Variants in LSM2 observed in about 807,000 individuals in gnomAD.
LSM2 encodes U6 snRNA-associated Sm-like protein LSm2.
Under a neutral mutation model 17.0 loss-of-function variants are expected in LSM2, and 12 were observed. That is an observed-to-expected ratio of 0.70 (90% CI 0.45 to 1.14). LSM2 has a LOEUF of 1.14. LSM2 is among the 50% of genes most tolerant of loss of function. The probability of loss-of-function intolerance (pLI) is 0.00; values close to 1 mark genes in which losing one functional copy is unlikely to be tolerated. For missense variants in LSM2, 62 were observed against 111.8 expected, an observed-to-expected ratio of 0.55 and a Z score of 2.01; for synonymous variants, 42 against 44.5, an observed-to-expected ratio of 0.94 and a Z score of 0.22.
Position 31,797,689 on chromosome 6 carries a change from G to A in LSM2, c.*68C>T. 1 of 1,606,690 alleles carries A rather than the reference G, an allele frequency of 6.2e-7. No individual in the cohort carries two copies. Among genetic ancestry groups the A allele is most frequent in the Non-Finnish European group, 8.5e-7 (1 of 1,176,870 alleles). The stretch of plus-strand genomic sequence containing the variant: ...ACCCCTTCAAGTATTGGGGGTTAGG[G>A]GTTCTGGGCTGGGACTTGGGGTTAT... On this transcript the variant is annotated 3_prime_UTR_variant, in exon 5 of 5. Coordinates refer to ENST00000375661, the MANE Select transcript of LSM2 (RefSeq NM_021177.5).
chr6:31,806,810 G>C lies in LSM2; in HGVS notation c.-53C>G, dbSNP rs748286832. 1 of 1,594,028 alleles carries C rather than the reference G, an allele frequency of 6.3e-7. No homozygotes were observed. Among genetic ancestry groups the C allele is most frequent in the African/African-American group, 1.3e-5 (1 of 74,322 alleles). On this transcript the variant is annotated 5_prime_UTR_variant, in exon 1 of 5. Transcript: ENST00000375661. ...GACCGGGAAGACAGCAGGGTGCTGC[G>C]AGCAGGTCTGGGGAAACCGAAGCGC...
chr6:31,800,308 C>T (rs1814621007), intron 2 of LSM2, among the ~76,000 whole-genome samples: 1 of 151,984 alleles, frequency 6.6e-6, no homozygotes, highest in African/African-American at 2.4e-5. Flanking sequence ...TGCACTCCAG[C>T]CTGGGTGACA....
chr6:31,801,980 T>A (rs1204650446), intron 2 of LSM2, among the ~76,000 whole-genome samples: 4 of 150,950 alleles, frequency 2.6e-5, no homozygotes, highest in Non-Finnish European at 5.9e-5. Flanking sequence ...CTATGAAAAA[T>A]TTTAAAAATA....
Position 31,797,688 on chromosome 6 carries a change from G to C in LSM2, c.*69C>G. 1 of 1,606,362 alleles carries C rather than the reference G, an allele frequency of 6.2e-7. No homozygotes were observed. The highest frequency in any genetic ancestry group is 8.5e-7 in the Non-Finnish European group (1 of 1,176,816). On this transcript the variant is annotated 3_prime_UTR_variant, in exon 5 of 5. Coordinates refer to ENST00000375661, the MANE Select transcript of LSM2 (RefSeq NM_021177.5). The stretch of plus-strand genomic sequence containing the variant: ...AACCCCTTCAAGTATTGGGGGTTAG[G>C]GGTTCTGGGCTGGGACTTGGGGTTA...
intron 2 of LSM2, among the ~76,000 whole-genome samples, chr6:31,800,352 T>A (rs1188382127): frequency 6.6e-6 from 1 of 151,466 alleles, no homozygotes; most frequent in African/African-American, 2.4e-5. Context: ...AATAAATAAA[T>A]AAAAATAATC....
intron 1 of LSM2, chr6:31,806,467 G>T: frequency 1.7e-6 from 1 of 604,790 alleles, no homozygotes; most frequent in Non-Finnish European, 2.9e-6. Context: ...TATCCCACCC[G>T]CACCCTGCCG....
intron 2 of LSM2, 75 bp downstream of exon 2, chr6:31,806,000 T>G (rs888838427): frequency 7.5e-7 from 1 of 1,339,504 alleles, no homozygotes; most frequent in Non-Finnish European, 1.1e-6. Flanking sequence ...AGCCCTGAAA[T>G]ATTTCTCAAA....
chr6:31,806,820 G>A lies in LSM2; in HGVS notation c.-63C>T. The stretch of plus-strand genomic sequence containing the variant: ...ACAGCAGGGTGCTGCGAGCAGGTCT[G>A]GGGAAACCGAAGCGCGAGCCCGCGC... On this transcript the variant is annotated 5_prime_UTR_variant, in exon 1 of 5. Coordinates refer to ENST00000375661, the MANE Select transcript of LSM2 (RefSeq NM_021177.5). 6.5e-7 allele frequency: 1 copy of A among 1,549,262 alleles called. No individual in the cohort carries two copies. The highest frequency in any genetic ancestry group is 2.2e-5 in the Admixed American group (1 of 45,126).
At chr6:31,802,903 A>C (rs1814802021) in intron 2 of LSM2, 1 of 152,278 alleles carries the variant, frequency 6.6e-6, no homozygotes, top group Non-Finnish European at 1.5e-5. Flanking sequence ...ACAGGGCAAG[A>C]CTCTGTCTCA....
At chr6:31,806,537 C>G in intron 1 of LSM2, 1 of 689,906 alleles carries the variant, frequency 1.4e-6, no homozygotes, top group Admixed American at 2.5e-5. Context: ...GCTATCCTCA[C>G]TGAATCTCTC....
intron 3 of LSM2, 29 bp downstream of exon 3, chr6:31,798,448 C>G (rs746861053): frequency 6.2e-7 from 1 of 1,612,652 alleles, no homozygotes. Context: ...TCTCCAGGAA[C>G]CAATTCTGGG....
intron 1 of LSM2, 64 bp downstream of exon 1, chr6:31,806,691 A>G: frequency 6.3e-7 from 1 of 1,592,546 alleles, no homozygotes; most frequent in Non-Finnish European, 8.5e-7. Flanking sequence ...TACAAAGGCC[A>G]GATCCCCCGC....
At position 31,798,458 on chromosome 6, in the gene LSM2, G is replaced by A; in HGVS notation, c.102+19C>T. The A allele has an allele frequency of 1.2e-6, 2 of 1,612,752 alleles. No individual in the cohort carries two copies. Among genetic ancestry groups the A allele is most frequent in the Non-Finnish European group, 8.5e-7 (1 of 1,179,956 alleles). On this transcript the variant is annotated intron_variant, in intron 3 of 4. Transcript: ENST00000375661. ...CTCCTTCTCCAGGAACCAATTCTGG[G>A]GCCCGTGCTATATCTCACCTGATCC... is the stretch of plus-strand genomic sequence containing the variant.
chr6:31,804,901 G>C (rs915830873), intron 2 of LSM2, among the ~76,000 whole-genome samples: 1 of 150,978 alleles, frequency 6.6e-6, no homozygotes, highest in African/African-American at 2.4e-5. Flanking sequence ...CAAGTAGCTG[G>C]AACTACAGGA....
intron 1 of LSM2, 130 bp from the exon 2 acceptor site, chr6:31,806,272 G>A (rs1815030365): frequency 1.2e-6 from 1 of 863,550 alleles, no homozygotes; most frequent in Non-Finnish European, 1.8e-6. Context: ...AAATTTCACA[G>A]GAAAGAATAA....
At position 31,806,810 on chromosome 6, in the gene LSM2, G is replaced by A. The variant is rs748286832; in HGVS notation, c.-53C>T. 1 of 1,594,148 alleles carries A rather than the reference G, an allele frequency of 6.3e-7. No homozygotes were observed. Among genetic ancestry groups the A allele is most frequent in the East Asian group, 2.3e-5 (1 of 44,302 alleles). On this transcript the variant is annotated 5_prime_UTR_variant, in exon 1 of 5. Coordinates refer to ENST00000375661, the MANE Select transcript of LSM2 (RefSeq NM_021177.5). ...GACCGGGAAGACAGCAGGGTGCTGC[G>A]AGCAGGTCTGGGGAAACCGAAGCGC...
intron 2 of LSM2, among the ~76,000 whole-genome samples, chr6:31,800,475 A>G (rs1032954484): frequency 6.6e-6 from 1 of 152,114 alleles, no homozygotes; most frequent in Non-Finnish European, 1.5e-5. Context: ...CGTCTAGGCC[A>G]TGTGCGGTGG....
rs563475469 is a variant in LSM2 at position 31,797,496 on chromosome 6, T to G, written c.*261A>C. ...AGACCTAGGAAACTCTCCTACCATCTCCAGAGAAGTAGTGAGAAAGGCAGG... is the reference window on the plus strand; with the variant it reads ...AGACCTAGGAAACTCTCCTACCATCGCCAGAGAAGTAGTGAGAAAGGCAGG... On this transcript the variant is annotated 3_prime_UTR_variant, in exon 5 of 5. Transcript: ENST00000375661. 10 of 492,208 alleles carry G rather than the reference T, an allele frequency of 2.0e-5. No homozygotes were observed. Among genetic ancestry groups the G allele is most frequent in the African/African-American group, 1.7e-4 (9 of 51,980 alleles). 30.5% of individuals were successfully genotyped at this position (492,208 alleles called of 1,614,324 possible).
chr6:31,800,767 G>A (rs1185828403), intron 2 of LSM2, among the ~76,000 whole-genome samples: 1 of 151,944 alleles, frequency 6.6e-6, no homozygotes, highest in Non-Finnish European at 1.5e-5. Context: ...GGCACCTGTA[G>A]TCCCAGCTAC....
Sources: gnomAD v4.1 joint callset for allele counts (sites outside exome capture counted in the v4.1 genomes callset) on GRCh38, gnomAD v4.1.1 for gene constraint, MANE v1.5 for transcripts, NCBI Gene and HGNC (gene_info 2026-07-23, HGNC 2026-07-21) for gene names.